The following KIF13B variants were observed in gnomAD, a reference collection of about 807,000 sequenced individuals.
KIF13B encodes kinesin-like protein KIF13B.
In KIF13B, 127 loss-of-function variants were observed where a neutral mutation model predicts 222.0. That is an observed-to-expected ratio of 0.57 (90% CI 0.50 to 0.66). The LOEUF is 0.66. Ranked by LOEUF, KIF13B falls within the 30% of genes least tolerant of loss-of-function variation. The probability of loss-of-function intolerance (pLI) is 0.00; values close to 1 mark genes in which losing one functional copy is unlikely to be tolerated. For synonymous variants in KIF13B, 976 were observed against 919.0 expected (o/e 1.06, Z -1.12); for missense variants, 2,173 against 2,379.0 (o/e 0.91, Z 1.80).
intron 25 of KIF13B, 61 bp from the exon 26 acceptor site, chr8:29,126,572 G>A (rs1586814113): frequency 3.0e-6 from 3 of 990,726 alleles, no homozygotes; most frequent in Admixed American, 2.1e-5. Flanking sequence ...ATCAGGCTAC[G>A]CTAAACAATC....
rs771451545 is a variant in KIF13B at position 29,109,925 on chromosome 8, A to G, written c.4076T>C (p.Leu1359Pro). The change falls in exon 33 of 40, where the codon CTG (leucine) becomes CCG (proline). Residue 1359 changes from leucine to proline, a missense_variant. Leu to Pro is a moderately conservative substitution (Grantham distance 98, BLOSUM62 -3). This residue lies in a region of KIF13B where 1,480 missense variants were observed against 1,722.8 expected (regional missense o/e 0.86). Transcript: ENST00000524189. ...AVENLLTLDR[L>P]RQEVAVKEQL... ...TCCATGCGGTTGGCTAACCTGGCGCAGACGATCTAAAGTCAGGAGGTTTTC... is the reference window on the plus strand; with the variant it reads ...TCCATGCGGTTGGCTAACCTGGCGCGGACGATCTAAAGTCAGGAGGTTTTC... The G allele has an allele frequency of 1.2e-6, 2 of 1,613,398 alleles. No homozygotes were observed. The highest frequency in any genetic ancestry group is 2.7e-5 in the African/African-American group (2 of 74,926).
At chr8:29,210,886 T>C (rs1279181186) in intron 2 of KIF13B, among the ~76,000 whole-genome samples, 2 of 152,206 alleles carry the variant, frequency 1.3e-5, no homozygotes, top group African/African-American at 4.8e-5. Flanking sequence ...TGCTAAACAC[T>C]GCTGCAGGAA....
rs17059670 is a variant in KIF13B, at chr8:29,092,763, C to T, written c.4440G>A (p.Pro1480=). Reference sequence around the variant, plus strand: ...TTTTTACCTGGTGTGCGAGGGGAGACGGCCGCTTGCCCCTCTTCTCATCGC... The same window carrying T: ...TTTTTACCTGGTGTGCGAGGGGAGATGGCCGCTTGCCCCTCTTCTCATCGC... ...PVRDEKRGKR[P]SPLAHQPVPR... is the part of the protein sequence containing the mutation. Residue 1480 remains proline, a synonymous_variant, in exon 37 of 40, where the codon CCG becomes CCA. Transcript: ENST00000524189. 2.4e-3 allele frequency: 3,810 copies of T among 1,612,498 alleles called. 61 individuals carry two copies. In the African/African-American group the frequency reaches 0.042, roughly 18 times the overall value.
intron 1 of KIF13B, among the ~76,000 whole-genome samples, chr8:29,247,833 C>CAA (rs57720312): frequency 3.3e-3 from 177 of 53,680 alleles, no homozygotes; most frequent in Middle Eastern, 0.032. Flanking sequence ...GACCCTGTCT[C>CAA]AAAAAAAAAA....
chr8:29,232,705 A>C (rs575096960), intron 2 of KIF13B, among the ~76,000 whole-genome samples: 3 of 152,334 alleles, frequency 2.0e-5, no homozygotes, highest in East Asian at 3.8e-4. Context: ...CACGGTAAGC[A>C]CAACAGTGAT....
At chr8:29,256,331 C>T (rs1169571387) in intron 1 of KIF13B, among the ~76,000 whole-genome samples, 3 of 152,168 alleles carry the variant, frequency 2.0e-5, no homozygotes, top group Non-Finnish European at 2.9e-5. Flanking sequence ...CCTCAGATGC[C>T]GACACAAACC....
At chr8:29,249,194 G>A (rs1411961458) in intron 1 of KIF13B, among the ~76,000 whole-genome samples, 1 of 152,104 alleles carries the variant, frequency 6.6e-6, no homozygotes, top group Non-Finnish European at 1.5e-5. Context: ...TTGGGAGGCC[G>A]AGAAGGGTGG....
chr8:29,074,866 C>G lies in KIF13B; in HGVS notation c.4521+415G>C, dbSNP rs928087756. On this transcript the variant is annotated intron_variant, in intron 38 of 39. Coordinates refer to ENST00000524189, the MANE Select transcript of KIF13B (RefSeq NM_015254.4). ...TTTGCTATTCATAAGATTAGAAGTG[C>G]TGTTGATCTGTGGGAGATTATAAGA... Among the ~76,000 whole-genome samples, 7 of 152,338 alleles carry G rather than the reference C, an allele frequency of 4.6e-5. No individual in the cohort carries two copies. The South Asian group carries it at 6.2e-4, about 14-fold the overall frequency.
chr8:29,078,127 C>CAAAAAAAAAAAA lies in KIF13B; in HGVS notation c.4459-2796_4459-2785dup, dbSNP rs10530503. ...GTGAAACCGTGTCTCTACTAAAATC[C>CAAAAAAAAAAAA]AAAAAAAAAAAAAAAAAATTAGCAG... On this transcript the variant is annotated intron_variant, in intron 37 of 39. Transcript: ENST00000524189. Among the ~76,000 whole-genome samples the CAAAAAAAAAAAA allele has an allele frequency of 2.7e-5, 2 of 74,304 alleles. 1 individual carries two copies. The highest frequency in any genetic ancestry group is 5.0e-5 in the Non-Finnish European group (2 of 40,270). 48.7% of individuals were successfully genotyped at this position (74,304 alleles called of 152,430 possible).
chr8:29,117,763 A>C (rs1809670958), intron 30 of KIF13B, among the ~76,000 whole-genome samples: 1 of 152,180 alleles, frequency 6.6e-6, no homozygotes, highest in Non-Finnish European at 1.5e-5. Flanking sequence ...TTTCAAACAT[A>C]CTCAAAATTA....
At chr8:29,193,376 TG>T (rs140821906) in intron 3 of KIF13B, among the ~76,000 whole-genome samples, 13,607 of 152,176 alleles carry the variant, frequency 0.089, 860 homozygotes, top group Non-Finnish European at 0.13. Context: ...GGCATCAAAC[TG>T]GGGGGAGCTG....
rs1219547304 is a variant in KIF13B at position 29,122,590 on chromosome 8, C to T, written c.3535+1G>A. 1 of 1,608,140 alleles carries T rather than the reference C, an allele frequency of 6.2e-7. No individual in the cohort carries two copies. Among genetic ancestry groups the T allele is most frequent in the East Asian group, 2.2e-5 (1 of 44,790 alleles). ...CCTTCAGAAAACACCTCCTAACTTA[C>T]CATTTAAGTCCAGGAATATAACAGG... On this transcript the variant is annotated splice_donor_variant, in intron 29 of 39. Transcript: ENST00000524189. LOFTEE classifies it high-confidence loss of function.
chr8:29,153,190 T>TA lies in KIF13B; in HGVS notation c.1535+2535dup, dbSNP rs1278223989. 3.3e-5 allele frequency among the ~76,000 whole-genome samples: 5 copies of TA among 152,320 alleles called. No individual in the cohort carries two copies. In the East Asian group the frequency reaches 9.6e-4, roughly 29 times the overall value. On this transcript the variant is annotated intron_variant, in intron 14 of 39. Transcript: ENST00000524189. ...TAAAAGTTCTAAATTTGTTCCACAG[T>TA]ATATTAAGGAGTAAAGAGGGAACCA...
At chr8:29,217,662 T>A (rs926867644) in intron 2 of KIF13B, among the ~76,000 whole-genome samples, 9 of 152,210 alleles carry the variant, frequency 5.9e-5, no homozygotes, top group Admixed American at 2.0e-4. Flanking sequence ...AGAGAGAACA[T>A]CTTTTAGCTA....
At chr8:29,151,130 A>G in intron 14 of KIF13B, among the ~76,000 whole-genome samples, 1 of 152,310 alleles carries the variant, frequency 6.6e-6, no homozygotes, top group East Asian at 1.9e-4. Context: ...TGATATGGAG[A>G]AAGTTCAGTG....
chr8:29,121,504 T>C (rs537656649), intron 29 of KIF13B, among the ~76,000 whole-genome samples: 22 of 73,040 alleles, frequency 3.0e-4, no homozygotes, highest in Middle Eastern at 4.3e-3. Context: ...GCTAGCCATA[T>C]GTAGAAAGCT....
At chr8:29,083,103 T>C (rs979313788) in intron 37 of KIF13B, among the ~76,000 whole-genome samples, 1 of 152,058 alleles carries the variant, frequency 6.6e-6, no homozygotes, top group African/African-American at 2.4e-5. Context: ...CACTCCAGCC[T>C]GGGCAACAGA....
At chr8:29,103,706 G>C (rs1400558772) in intron 35 of KIF13B, among the ~76,000 whole-genome samples, 1 of 151,814 alleles carries the variant, frequency 6.6e-6, no homozygotes, top group East Asian at 1.9e-4. Context: ...GACAAATAGA[G>C]GAATGGAAAG....
chr8:29,103,709 A>ATTT (rs201256846), intron 35 of KIF13B, among the ~76,000 whole-genome samples: 2,683 of 152,256 alleles, frequency 0.018, 34 homozygotes, highest in Middle Eastern at 0.058. Context: ...AAATAGAGGA[A>ATTT]TGGAAAGCAG....
Sources: gnomAD v4.1 joint callset for allele counts (sites outside exome capture counted in the v4.1 genomes callset) on GRCh38, gnomAD v4.1.1 for gene constraint, gnomAD v4.1.1 regional missense constraint, MANE v1.5 for transcripts, NCBI Gene and HGNC (gene_info 2026-07-23, HGNC 2026-07-21) for gene names.